Variants in FRMD4A observed in about 807,000 individuals in gnomAD.
The protein encoded by FRMD4A is FERM domain-containing protein 4A.
A neutral mutation model predicts 129.1 loss-of-function variants in FRMD4A; 29 were observed. The ratio of observed to expected loss-of-function variants is 0.22; its 90% CI spans 0.17 to 0.31. FRMD4A has a LOEUF of 0.31. Among genes scored for constraint, FRMD4A ranks in the 10% least tolerant of loss-of-function variants. FRMD4A has a pLI of 1.00. For synonymous variants in FRMD4A, 634 were observed against 571.6 expected (o/e 1.11, Z -1.56); for missense variants, 1,272 against 1,375.8 (o/e 0.92, Z 1.19).
chr10:13,816,828 T>C (rs552602958), intron 3 of FRMD4A, among the ~76,000 whole-genome samples: 23 of 152,312 alleles, frequency 1.5e-4, no homozygotes, highest in Admixed American at 3.9e-4. Context: ...TCGCATTCTA[T>C]TGGACAATCT....
intron 2 of FRMD4A, among the ~76,000 whole-genome samples, chr10:14,163,250 T>C (rs74122387): frequency 0.056 from 8,462 of 152,334 alleles, 813 homozygotes; most frequent in African/African-American, 0.19. Flanking sequence ...AGAAGAAATG[T>C]CTAAATTTCA....
At chr10:13,707,533 A>G in intron 12 of FRMD4A, 1 of 1,003,432 alleles carries the variant, frequency 1.0e-6, no homozygotes, top group Non-Finnish European at 1.2e-6. Flanking sequence ...AGCGCTCAGG[A>G]GGGAGCGGTA....
At chr10:14,086,145 A>G (rs1371001565) in intron 2 of FRMD4A, among the ~76,000 whole-genome samples, 1 of 152,254 alleles carries the variant, frequency 6.6e-6, no homozygotes. Context: ...TCTCCAAAGA[A>G]GTAAAACTAA....
intron 22 of FRMD4A, 32 bp downstream of exon 22, chr10:13,656,604 C>A (rs180995308): frequency 2.9e-6 from 4 of 1,368,910 alleles, no homozygotes; most frequent in Middle Eastern, 5.6e-4. Context: ...GCCCTCAGGT[C>A]TTCCCGCGTG....
intron 2 of FRMD4A, among the ~76,000 whole-genome samples, chr10:13,981,541 C>A (rs543956930): frequency 4.6e-5 from 7 of 151,866 alleles, no homozygotes; most frequent in Non-Finnish European, 8.8e-5. Context: ...GAGTTCAAGA[C>A]CAGCCTGGCC....
At chr10:14,128,953 G>T (rs536834080) in intron 2 of FRMD4A, among the ~76,000 whole-genome samples, 1 of 152,184 alleles carries the variant, frequency 6.6e-6, no homozygotes, top group Non-Finnish European at 1.5e-5. Flanking sequence ...AAGGCACGCT[G>T]GTCCTGGAGA....
intron 8 of FRMD4A, among the ~76,000 whole-genome samples, chr10:13,757,903 C>A (rs2091928789): frequency 6.6e-6 from 1 of 152,184 alleles, no homozygotes; most frequent in Admixed American, 6.5e-5. Flanking sequence ...ACCACCACAC[C>A]TGGCTAATTT....
chr10:13,885,201 A>C (rs577139482), intron 2 of FRMD4A, among the ~76,000 whole-genome samples: 1 of 152,254 alleles, frequency 6.6e-6, no homozygotes, highest in Admixed American at 6.5e-5. Flanking sequence ...CCTGGGAAAC[A>C]TAGCAAGATC....
At chr10:14,008,576 A>G in intron 2 of FRMD4A, 1 of 892,214 alleles carries the variant, frequency 1.1e-6, no homozygotes, top group South Asian at 5.1e-5. Flanking sequence ...TATCAGACGT[A>G]TTATTCATTC....
At chr10:13,774,503 A>G (rs1371935574) in intron 6 of FRMD4A, among the ~76,000 whole-genome samples, 1 of 152,200 alleles carries the variant, frequency 6.6e-6, no homozygotes, top group East Asian at 1.9e-4. Flanking sequence ...CCCAGTGTGG[A>G]GACTGTTCCC....
At chr10:13,731,829 G>T (rs1401273291) in intron 12 of FRMD4A, among the ~76,000 whole-genome samples, 1 of 152,006 alleles carries the variant, frequency 6.6e-6, no homozygotes, top group Non-Finnish European at 1.5e-5. Flanking sequence ...TGTTCTGGGA[G>T]CTGTTCTTCC....
Position 13,985,979 on chromosome 10 carries a change from C to T in FRMD4A, c.46-127067G>A, listed in dbSNP as rs144334136. On this transcript the variant is annotated intron_variant, in intron 2 of 24. Transcript: ENST00000357447. ...AAGCCCCTCCCCAGCCCCACTGTCC[C>T]GACACTGCAGCCACCCGTGGCTTTG... Among the ~76,000 whole-genome samples, 229 of 152,332 alleles carry T rather than the reference C, an allele frequency of 1.5e-3. 1 individual carries two copies. The highest frequency in any genetic ancestry group is 4.1e-3 in the African/African-American group (172 of 41,586).
At chr10:13,739,367 G>A (rs2090853280) in intron 11 of FRMD4A, among the ~76,000 whole-genome samples, 2 of 152,356 alleles carry the variant, frequency 1.3e-5, no homozygotes, top group South Asian at 4.1e-4. Context: ...AGATTGACCA[G>A]AGAAGGGCTG....
chr10:13,749,454 T>C (rs141213147), intron 8 of FRMD4A, among the ~76,000 whole-genome samples: 161 of 152,180 alleles, frequency 1.1e-3, no homozygotes, highest in African/African-American at 3.5e-3. Context: ...CCTCAGGTGC[T>C]TGGATGGTGG....
intron 2 of FRMD4A, among the ~76,000 whole-genome samples, chr10:14,318,527 A>G (rs371653328): frequency 9.7e-4 from 147 of 151,796 alleles, no homozygotes; most frequent in African/African-American, 3.4e-3. Context: ...TGAAGGTGTG[A>G]CATGCACTAA....
intron 2 of FRMD4A, among the ~76,000 whole-genome samples, chr10:13,965,303 G>A (rs1274441493): frequency 6.6e-6 from 1 of 152,082 alleles, no homozygotes; most frequent in African/African-American, 2.4e-5. Flanking sequence ...TATGGCACCA[G>A]GCTGTGAAGG....
intron 2 of FRMD4A, among the ~76,000 whole-genome samples, chr10:14,263,246 C>T (rs956126671): frequency 6.6e-6 from 1 of 152,190 alleles, no homozygotes; most frequent in African/African-American, 2.4e-5. Context: ...CCGCCAGCCC[C>T]GTCTGGGTGA....
intron 2 of FRMD4A, among the ~76,000 whole-genome samples, chr10:14,318,025 C>T (rs1441336770): frequency 2.6e-5 from 4 of 152,136 alleles, no homozygotes; most frequent in African/African-American, 9.7e-5. Flanking sequence ...GGCTACCTCA[C>T]TCAGTAATTG....
chr10:13,932,880 G>T (rs772933618), intron 2 of FRMD4A, among the ~76,000 whole-genome samples: 4 of 152,102 alleles, frequency 2.6e-5, no homozygotes, highest in Non-Finnish European at 5.9e-5. Flanking sequence ...TTTCTGAAAG[G>T]CTGGGTGCGG....
Sources: gnomAD v4.1 joint callset for allele counts (sites outside exome capture counted in the v4.1 genomes callset) on GRCh38, gnomAD v4.1.1 for gene constraint, MANE v1.5 for transcripts, NCBI Gene and HGNC (gene_info 2026-07-23, HGNC 2026-07-21) for gene names.